Variants in SRCAP observed in about 807,000 individuals in gnomAD.
The protein encoded by SRCAP is Snf2 related CREBBP activator protein.
In SRCAP, 46 loss-of-function variants were observed where a neutral mutation model predicts 263.1. The ratio of observed to expected loss-of-function variants is 0.17; its 90% CI spans 0.14 to 0.22. The LOEUF is 0.22. SRCAP is among the 10% of genes least tolerant of loss of function. SRCAP has a pLI of 1.00. For missense variants in SRCAP, 3,695 were observed against 4,181.9 expected (o/e 0.88, Z 3.21); for synonymous variants, 1,813 against 1,662.1 (o/e 1.09, Z -2.21).
intron 4 of SRCAP, among the ~76,000 whole-genome samples, chr16:30,706,319 A>G (rs908325169): frequency 1.3e-5 from 2 of 152,150 alleles, no homozygotes; most frequent in African/African-American, 2.4e-5. Flanking sequence ...TTAGCTGGGC[A>G]TGGTTGCATG....
chr16:30,700,787 T>A lies in SRCAP; in HGVS notation c.-38T>A. 6.2e-7 allele frequency: 1 copy of A among 1,604,398 alleles called. No homozygotes were observed. Among genetic ancestry groups the A allele is most frequent in the Admixed American group, 1.7e-5 (1 of 59,772 alleles). On this transcript the variant is annotated 5_prime_UTR_variant, in exon 3 of 34. Transcript: ENST00000262518. ...AGTACTGGTGATAACAACCCAGTCA[T>A]TCTTCAGGCATCCAAGGGGGAGCCT...
At chr16:30,715,440 C>T (rs994611222) in intron 16 of SRCAP, among the ~76,000 whole-genome samples, 3 of 152,110 alleles carry the variant, frequency 2.0e-5, no homozygotes, top group African/African-American at 7.2e-5. Flanking sequence ...TGGCGGGTGC[C>T]TGTAGTCCCA....
In SRCAP at chr16:30,713,252, C is replaced by T; in HGVS notation, c.2175C>T (p.Tyr725=). ...CCTTTCATGTGTGTATCACATCTTA[C>T]AAGCTGGTGCTGCAGGACCACCAGG... ...PNAFHVCITS[Y]KLVLQDHQAF... is the part of the protein sequence containing the mutation. The change falls in exon 15 of 34, where the codon TAC becomes TAT. Residue 725 remains tyrosine (Y), a synonymous_variant. Transcript: ENST00000262518. The T allele has an allele frequency of 1.2e-6, 2 of 1,614,138 alleles. No homozygotes were observed. Among genetic ancestry groups the T allele is most frequent in the South Asian group, 2.2e-5 (2 of 91,082 alleles).
Position 30,733,201 on chromosome 16 carries a change from A to C in SRCAP, c.6128-79A>C. 116 of 1,490,166 alleles carry C rather than the reference A, an allele frequency of 7.8e-5. No homozygotes were observed. Among genetic ancestry groups the C allele is most frequent in the Middle Eastern group, 2.4e-4 (1 of 4,190 alleles). The allele number at this position is 1,490,166 out of a possible 1,614,324, so 92.3% of individuals were successfully genotyped here. A position where few individuals can be genotyped will look rare whatever the true frequency, so the allele number is the denominator to read the frequency against. On this transcript the variant is annotated intron_variant, in intron 27 of 33. Transcript: ENST00000262518. The surrounding 1 kb of genome is among the most constrained non-coding windows in gnomAD (Gnocchi z 5.3). ...TGGCTTAAAGCATTGATTATCTTTC[A>C]ACCCCAGCCTTGCATTGCTAAGCAT...
rs754386440 is a variant in SRCAP at position 30,736,261 on chromosome 16, A to G, written c.6791A>G (p.Gln2264Arg). The part of the protein sequence containing the change: ...IRAATQAKAE[Q>R]VAELAEFNEN... ...GCAGCCACCCAGGCCAAGGCTGAAC[A>G]GGTGGCTGAGCTTGCAGAATTTAAT... The change falls in exon 32 of 34, where the codon CAG (glutamine) becomes CGG (arginine). Residue 2264 changes from glutamine (Q) to arginine (R), a missense_variant. Physicochemically the swap from Gln to Arg is conservative, Grantham distance 43. Around this residue, in one of 12 missense-constraint regions of SRCAP, gnomAD observed 91 missense variants for 150.6 expected, o/e 0.60. Transcript: ENST00000262518. 1 of 1,614,104 alleles carries G rather than the reference A, an allele frequency of 6.2e-7. No individual in the cohort carries two copies. The highest frequency in any genetic ancestry group is 1.3e-5 in the African/African-American group (1 of 74,932).
Position 30,720,299 on chromosome 16 carries a change from C to A in SRCAP, c.2955C>A (p.Pro985=), listed in dbSNP as rs1460998368. 2 of 1,613,854 alleles carry A rather than the reference C, an allele frequency of 1.2e-6. No individual in the cohort carries two copies. The highest frequency in any genetic ancestry group is 1.7e-6 in the Non-Finnish European group (2 of 1,179,872). ...LEVATAPDPP[P]RPKPVKMKVN... is the part of the protein sequence containing the mutation. ...TGGCTACTGCTCCTGACCCCCCACC[C>A]CGGCCCAAGCCAGTCAAGATGAAGG... The change falls in exon 19 of 34, where the codon CCC becomes CCA. Residue 985 remains proline (P), a synonymous_variant. Transcript: ENST00000262518.
intron 30 of SRCAP, 46 bp downstream of exon 30, chr16:30,734,054 C>A (rs1235556522): frequency 1.4e-6 from 2 of 1,479,584 alleles, no homozygotes; most frequent in Non-Finnish European, 9.2e-7. Flanking sequence ...AACTGCTGCG[C>A]CTTCAGGAGT....
rs1248628310 is a variant in SRCAP, at chr16:30,727,532, T to G, written c.5659-1434T>G. On this transcript the variant is annotated intron_variant, in intron 25 of 33. Transcript: ENST00000262518. ...CCTCCAAGTAGCTGGGACTGTAGGCTTGTGCCACCATGCCAGGCTACTTGT... is the reference window on the plus strand; with the variant it reads ...CCTCCAAGTAGCTGGGACTGTAGGCGTGTGCCACCATGCCAGGCTACTTGT... Among the ~76,000 whole-genome samples the G allele has an allele frequency of 3.3e-5, 5 of 151,598 alleles. No homozygotes were observed. The East Asian group carries it at 9.8e-4, about 30-fold the overall frequency.
At chr16:30,710,292 G>A (rs2052873519) in intron 8 of SRCAP, among the ~76,000 whole-genome samples, 164 bp downstream of exon 8, 1 of 152,210 alleles carries the variant, frequency 6.6e-6, no homozygotes, top group African/African-American at 2.4e-5. Context: ...TTTGGGGCAA[G>A]TTGCATTTTG....
chr16:30,739,471 C>T lies in SRCAP; in HGVS notation c.9431C>T (p.Pro3144Leu). The T allele has an allele frequency of 6.2e-7, 1 of 1,614,098 alleles. No individual in the cohort carries two copies. Among genetic ancestry groups the T allele is most frequent in the Non-Finnish European group, 8.5e-7 (1 of 1,180,004 alleles). The part of the protein sequence containing the change: ...EKLPRKRAGA[P>L]VGGSPGLAKR... ...TTGCCTCGCAAACGAGCAGGGGCCC[C>T]AGTTGGTGGGAGTCCTGGGCTGGCA... Residue 3144 changes from proline (P) to leucine (L), a missense_variant, in exon 34 of 34, where the codon CCA (proline) becomes CTA (leucine). Physicochemically the swap from Pro to Leu is moderately conservative, Grantham distance 98. This residue lies in a region of SRCAP where 1,207 missense variants were observed against 1,142.9 expected (regional missense o/e 1.06). Transcript: ENST00000262518.
chr16:30,731,454 C>T (rs1244004470), intron 27 of SRCAP, among the ~76,000 whole-genome samples: 3 of 151,912 alleles, frequency 2.0e-5, no homozygotes, highest in Admixed American at 6.6e-5. Flanking sequence ...TTTAAATTTC[C>T]TAGAATATAA....
intron 8 of SRCAP, 96 bp from the exon 9 acceptor site, chr16:30,710,658 G>T: frequency 8.2e-7 from 1 of 1,222,778 alleles, no homozygotes; most frequent in Non-Finnish European, 1.2e-6. Flanking sequence ...TCACTCAATG[G>T]GACAGTGATT....
chr16:30,721,006 G>T (rs752483783), intron 20 of SRCAP, 28 bp downstream of exon 20: 7 of 1,574,500 alleles, frequency 4.4e-6, no homozygotes, highest in Non-Finnish European at 6.0e-6. Context: ...CAAGGATGAT[G>T]CGTGGTGCTT....
intron 25 of SRCAP, chr16:30,725,297 A>G (rs2053053754): frequency 2.0e-6 from 2 of 1,010,542 alleles, no homozygotes; most frequent in East Asian, 3.1e-5. Context: ...TTAGGATTAC[A>G]GGGGTGAGCC....
intron 33 of SRCAP, 58 bp from the exon 34 acceptor site, chr16:30,736,991 T>C: frequency 1.3e-6 from 2 of 1,513,700 alleles, no homozygotes; most frequent in Non-Finnish European, 1.8e-6. Flanking sequence ...TGCTAATTTC[T>C]ACTCACTCTC....
intron 31 of SRCAP, among the ~76,000 whole-genome samples, chr16:30,735,207 C>T (rs1245812532): frequency 2.2e-5 from 3 of 134,422 alleles, no homozygotes; most frequent in Admixed American, 7.7e-5. Flanking sequence ...AGTGCAGTGG[C>T]GGGATCTCGG....
Position 30,721,437 on chromosome 16 carries a change from C to T in SRCAP, c.3502C>T (p.Arg1168Cys), listed in dbSNP as rs778873593. 10 of 1,612,564 alleles carry T rather than the reference C, an allele frequency of 6.2e-6. No homozygotes were observed. The highest frequency in any genetic ancestry group is 2.2e-5 in the East Asian group (1 of 44,904). Residue 1168 changes from arginine to cysteine, a missense_variant, in exon 21 of 34, where the codon CGC becomes TGC. This residue lies in a region of SRCAP where 1,347 missense variants were observed against 1,304.4 expected (regional missense o/e 1.03). Coordinates refer to ENST00000262518, the MANE Select transcript of SRCAP (RefSeq NM_006662.3). ...GCCAGCTCCGACTCCTGCACCACAGCGCCTCATTCTATCTCCCGATATGCA... is the reference window on the plus strand; with the variant it reads ...GCCAGCTCCGACTCCTGCACCACAGTGCCTCATTCTATCTCCCGATATGCA... The part of the protein sequence containing the change: ...AVPAPTPAPQ[R>C]LILSPDMQAR...
chr16:30,728,777 AAAG>A (rs1376289300), intron 25 of SRCAP, among the ~76,000 whole-genome samples, 186 bp from the exon 26 acceptor site: 1 of 152,166 alleles, frequency 6.6e-6, no homozygotes, highest in East Asian at 1.9e-4. Context: ...TTAACATAAA[AAAG>A]AAAGTTATTT....
rs542144433 is a variant in SRCAP at position 30,729,214 on chromosome 16, G to A, written c.5907G>A (p.Leu1969=). The change falls in exon 26 of 34, where the codon CTG becomes CTA. Residue 1969 remains leucine, a synonymous_variant. Transcript: ENST00000262518. Reference sequence around the variant, plus strand: ...TTCCCCAGCAGCGACTAGACCAGCTGTCAGAAATCATTGAGAGGTTGGCAG... The same window carrying A: ...TTCCCCAGCAGCGACTAGACCAGCTATCAGAAATCATTGAGAGGTTGGCAG... ...VLFPQQRLDQ[L]SEIIERFIFV... The A allele has an allele frequency of 6.2e-7, 1 of 1,608,006 alleles. No individual in the cohort carries two copies. Among genetic ancestry groups the A allele is most frequent in the South Asian group, 1.1e-5 (1 of 90,848 alleles).
Sources: gnomAD v4.1 joint callset for allele counts (sites outside exome capture counted in the v4.1 genomes callset) on GRCh38, gnomAD v4.1.1 for gene constraint, gnomAD v4.1.1 regional missense constraint, Gnocchi (gnomAD v3.1) non-coding constraint, MANE v1.5 for transcripts, NCBI Gene and HGNC (gene_info 2026-07-23, HGNC 2026-07-21) for gene names.